Variants in MAPKBP1 observed in about 807,000 individuals in gnomAD.
MAPKBP1 encodes mitogen-activated protein kinase binding protein 1, also known as mitogen-activated protein kinase-binding protein 1.
Under a neutral mutation model 170.5 loss-of-function variants are expected in MAPKBP1, and 71 were observed. The observed-to-expected ratio is 0.42, with a 90% CI of 0.34 to 0.51. MAPKBP1 has a LOEUF of 0.51. MAPKBP1 is among the 20% of genes least tolerant of loss of function. The probability of loss-of-function intolerance (pLI) is 0.06; values close to 1 mark genes in which losing one functional copy is unlikely to be tolerated. For missense variants in MAPKBP1, 1,598 were observed against 1,933.0 expected (o/e 0.83, Z 3.25); for synonymous variants, 719 against 757.9 (o/e 0.95, Z 0.84).
At chr15:41,824,416 T>C (rs2065053933) in intron 29 of MAPKBP1, 68 bp from the exon 30 acceptor site, 1 of 1,402,774 alleles carries the variant, frequency 7.1e-7, no homozygotes, top group Admixed American at 2.0e-5. Flanking sequence ...CTGTTCTGAG[T>C]GTCTTGGGTG....
In MAPKBP1 at chr15:41,824,538, G is replaced by A; in HGVS notation, c.4268G>A (p.Ser1423Asn). ...CAGCTGGTGGCAGAGCTCCGCGGCA[G>A]CGTGCGCCAGGCAGTGCGGCTCTAC... Reference protein sequence around the residue: ...CEQLVAELRGSVRQAVRLYHS... With the variant: ...CEQLVAELRGNVRQAVRLYHS... Residue 1423 changes from serine to asparagine, a missense_variant, in exon 30 of 31, where the codon AGC (serine) becomes AAC (asparagine). Ser to Asn is a conservative substitution (Grantham distance 46, BLOSUM62 1). Coordinates refer to ENST00000457542, the MANE Select transcript of MAPKBP1 (RefSeq NM_014994.3). The A allele has an allele frequency of 2.5e-6, 4 of 1,602,962 alleles. No homozygotes were observed. Among genetic ancestry groups the A allele is most frequent in the Non-Finnish European group, 3.4e-6 (4 of 1,175,794 alleles).
At position 41,813,104 on chromosome 15, in the gene MAPKBP1, A is replaced by C; in HGVS notation, c.819+3A>C. The C allele has an allele frequency of 6.3e-7, 1 of 1,596,852 alleles. No homozygotes were observed. Among genetic ancestry groups the C allele is most frequent in the Non-Finnish European group, 8.5e-7 (1 of 1,171,434 alleles). Reference sequence around the variant, plus strand: ...TGGACAAGTGGGTGGAGCTGAGGGTAAGTACCTCCGTCCCCAGGGGTAGGG... The same window carrying C: ...TGGACAAGTGGGTGGAGCTGAGGGTCAGTACCTCCGTCCCCAGGGGTAGGG... On this transcript the variant is annotated splice_donor_region_variant and intron_variant, in intron 8 of 30. Coordinates refer to ENST00000457542, the MANE Select transcript of MAPKBP1 (RefSeq NM_014994.3).
Position 41,822,262 on chromosome 15 carries a change from C to T in MAPKBP1, c.3069C>T (p.Ile1023=). 1 of 1,614,042 alleles carries T rather than the reference C, an allele frequency of 6.2e-7. No individual in the cohort carries two copies. Among genetic ancestry groups the T allele is most frequent in the Non-Finnish European group, 8.5e-7 (1 of 1,179,994 alleles). The change falls in exon 26 of 31, where the codon ATC becomes ATT. Residue 1023 remains isoleucine (I), a synonymous_variant. Transcript: ENST00000457542. ...ESTEPLSVDG[I]SSDLEEPAEG... ...CGGAGCCCCTCAGTGTGGATGGCATCTCCTCAGACCTTGAAGAGCCAGCTG... is the reference window on the plus strand; with the variant it reads ...CGGAGCCCCTCAGTGTGGATGGCATTTCCTCAGACCTTGAAGAGCCAGCTG...
intron 12 of MAPKBP1, among the ~76,000 whole-genome samples, chr15:41,816,117 G>C (rs565554423): frequency 9.2e-5 from 14 of 152,090 alleles, no homozygotes; most frequent in Admixed American, 2.6e-4. Context: ...CTCACATTGA[G>C]GTACATACCA....
Position 41,821,055 on chromosome 15 carries a change from C to G in MAPKBP1, c.2705C>G (p.Ser902Ter). The change falls in exon 23 of 31, where the codon TCA (serine) becomes TGA (stop). Residue 902 changes from serine (S) to a stop codon, truncating the protein, a stop_gained. Coordinates refer to ENST00000457542, the MANE Select transcript of MAPKBP1 (RefSeq NM_014994.3). LOFTEE classifies it high-confidence loss of function. ...CATGGGCAGGAGGCCCTTGAGACTT[C>G]ACTCACTAGCCAGGTGAGCCTGCTT... Reference protein sequence around the residue: ...RKHGQEALETSLTSQNEKPPR... With the variant: ...RKHGQEALET 6.2e-7 allele frequency: 1 copy of G among 1,613,986 alleles called. No homozygotes were observed. The highest frequency in any genetic ancestry group is 8.5e-7 in the Non-Finnish European group (1 of 1,179,956).
intron 2 of MAPKBP1, among the ~76,000 whole-genome samples, chr15:41,793,467 C>T (rs1179751714): frequency 6.6e-6 from 1 of 151,614 alleles, no homozygotes; most frequent in African/African-American, 2.4e-5. Context: ...AGTGAGACTC[C>T]GTCTCAAAAA....
chr15:41,825,709 G>C lies in MAPKBP1; in HGVS notation c.*273G>C. 2.6e-6 allele frequency: 1 copy of C among 388,766 alleles called. No homozygotes were observed. The highest frequency in any genetic ancestry group is 4.7e-6 in the Non-Finnish European group (1 of 214,718). The allele number at this position is 388,766 out of a possible 1,614,324, so 24.1% of individuals were successfully genotyped here. On this transcript the variant is annotated 3_prime_UTR_variant, in exon 31 of 31. Coordinates refer to ENST00000457542, the MANE Select transcript of MAPKBP1 (RefSeq NM_014994.3). ...TCTTTGTCATCTTGGTGCTGTGAGA[G>C]GTAGGAGGGCAGCCTGCCCCATCTA...
Position 41,812,957 on chromosome 15 carries a change from G to A in MAPKBP1, c.675G>A (p.Leu225=), listed in dbSNP as rs1596087802. 6.2e-7 allele frequency: 1 copy of A among 1,612,034 alleles called. No homozygotes were observed. The highest frequency in any genetic ancestry group is 1.3e-5 in the African/African-American group (1 of 74,918). The part of the protein sequence containing the change: ...ATVPLLGRSG[L]LGELRNNLFT... ...TGCCCTTGCTGGGCCGCTCAGGGCT[G>A]CTGGGAGAGCTACGGAACAACCTAT... Residue 225 remains leucine (L), a synonymous_variant, in exon 8 of 31, where the codon CTG becomes CTA. Coordinates refer to ENST00000457542, the MANE Select transcript of MAPKBP1 (RefSeq NM_014994.3).
chr15:41,800,064 G>C, intron 3 of MAPKBP1, 150 bp downstream of exon 3: 1 of 681,700 alleles, frequency 1.5e-6, no homozygotes, highest in Non-Finnish European at 2.5e-6. Context: ...CGCAGGACCA[G>C]GTAAAGGTTC....
intron 2 of MAPKBP1, among the ~76,000 whole-genome samples, chr15:41,792,191 C>G (rs776487486): frequency 6.6e-6 from 1 of 151,356 alleles, no homozygotes; most frequent in Non-Finnish European, 1.5e-5. Flanking sequence ...CACTTAAACA[C>G]GTGGCTTTAT....
Position 41,823,794 on chromosome 15 carries a change from C to T in MAPKBP1, c.3946C>T (p.Pro1316Ser), listed in dbSNP as rs769059856. The T allele has an allele frequency of 2.5e-6, 4 of 1,614,150 alleles. No homozygotes were observed. Among genetic ancestry groups the T allele is most frequent in the African/African-American group, 1.3e-5 (1 of 75,020 alleles). ...AFSPVTKGRA[P>S]GEAEKPGFPV... ...CTCTCCTGTCACCAAAGGCCGGGCC[C>T]CTGGCGAGGCAGAAAAGCCTGGCTT... The change falls in exon 29 of 31, where the codon CCT becomes TCT. Residue 1316 changes from proline to serine, a missense_variant. Physicochemically the swap from Pro to Ser is moderately conservative, Grantham distance 74. This residue lies in a region of MAPKBP1 where 942 missense variants were observed against 953.2 expected (regional missense o/e 0.99). Transcript: ENST00000457542.
At chr15:41,795,160 T>G (rs2064464675) in intron 2 of MAPKBP1, among the ~76,000 whole-genome samples, 1 of 74,200 alleles carries the variant, frequency 1.3e-5, no homozygotes, top group Non-Finnish European at 2.8e-5. Flanking sequence ...TGAAACCCTG[T>G]CTCAAAAAAA....
At position 41,818,984 on chromosome 15, in the gene MAPKBP1, G is replaced by A; in HGVS notation, c.2291+27G>A. On this transcript the variant is annotated intron_variant, in intron 20 of 30. Coordinates refer to ENST00000457542, the MANE Select transcript of MAPKBP1 (RefSeq NM_014994.3). This position sits in a 1 kb window ranked among gnomAD's most constrained non-coding sequence, Gnocchi z 5.2. ...TGAGAACAGAATGTGGGCAAGTGATGGGTGGGTGTGCAGATGGCTTGCTGG... is the reference window on the plus strand; with the variant it reads ...TGAGAACAGAATGTGGGCAAGTGATAGGTGGGTGTGCAGATGGCTTGCTGG... 6.2e-7 allele frequency: 1 copy of A among 1,610,832 alleles called. No homozygotes were observed. Among genetic ancestry groups the A allele is most frequent in the Non-Finnish European group, 8.5e-7 (1 of 1,177,690 alleles).
intron 2 of MAPKBP1, among the ~76,000 whole-genome samples, chr15:41,779,013 G>T (rs1191425618): frequency 6.6e-6 from 1 of 152,030 alleles, no homozygotes; most frequent in African/African-American, 2.4e-5. Context: ...TTTTTTAATT[G>T]TAAATCTAAT....
chr15:41,817,609 T>C lies in MAPKBP1; in HGVS notation c.1783-5T>C, dbSNP rs372289219. 225 of 1,614,038 alleles carry C rather than the reference T, an allele frequency of 1.4e-4. 1 individual carries two copies. Among genetic ancestry groups the C allele is most frequent in the Admixed American group, 7.7e-4 (46 of 59,996 alleles). On this transcript the variant is annotated splice_region_variant and splice_polypyrimidine_tract_variant and intron_variant, in intron 15 of 30. Transcript: ENST00000457542. The surrounding 1 kb of genome is among the most constrained non-coding windows in gnomAD (Gnocchi z 4.2). The stretch of plus-strand genomic sequence containing the variant: ...TGGGCCTGCCCACATGCTCCACCCC[T>C]GCAGTCTGGAGATGGAGTGCAGTTC...
Position 41,825,369 on chromosome 15 carries a change from C to A in MAPKBP1, c.4460C>A (p.Ala1487Asp). 6.2e-7 allele frequency: 1 copy of A among 1,613,528 alleles called. No individual in the cohort carries two copies. The highest frequency in any genetic ancestry group is 8.5e-7 in the Non-Finnish European group (1 of 1,179,986). The change falls in exon 31 of 31, where the codon GCC (alanine) becomes GAC (aspartate). Residue 1487 changes from alanine (A) to aspartate (D), a missense_variant. Physicochemically the swap from Ala to Asp is moderately radical, Grantham distance 126. Coordinates refer to ENST00000457542, the MANE Select transcript of MAPKBP1 (RefSeq NM_014994.3). Reference sequence around the variant, plus strand: ...GCTGTGGGAGCCGAGCAGACACAGGCCCTGCTGGAGCAATACTCAGAACTG... The same window carrying A: ...GCTGTGGGAGCCGAGCAGACACAGGACCTGCTGGAGCAATACTCAGAACTG... ...PGAVGAEQTQ[A>D]LLEQYSELLL...
intron 2 of MAPKBP1, among the ~76,000 whole-genome samples, chr15:41,779,851 C>A (rs934928445): frequency 1.3e-5 from 2 of 152,224 alleles, no homozygotes; most frequent in African/African-American, 4.8e-5. Flanking sequence ...TCTGAGGTCT[C>A]TTGAAATAAG....
chr15:41,821,021 C>G lies in MAPKBP1; in HGVS notation c.2671C>G (p.Pro891Ala), dbSNP rs377003893. ...QDSLAIIPSG[P>A]RKHGQEALET... ...CTCGCTGGCCATCATCCCATCTGGT[C>G]CCAGGAAGCATGGGCAGGAGGCCCT... The change falls in exon 23 of 31, where the codon CCC becomes GCC. Residue 891 changes from proline (P) to alanine (A), a missense_variant. By Grantham distance (27) the Pro-to-Ala change is conservative. Around this residue, in one of 6 missense-constraint regions of MAPKBP1, gnomAD observed 942 missense variants for 953.2 expected, o/e 0.99. Coordinates refer to ENST00000457542, the MANE Select transcript of MAPKBP1 (RefSeq NM_014994.3). 6.2e-7 allele frequency: 1 copy of G among 1,614,054 alleles called. No individual in the cohort carries two copies. The highest frequency in any genetic ancestry group is 1.3e-5 in the African/African-American group (1 of 74,926).
At chr15:41,796,999 A>T (rs1198979491) in intron 2 of MAPKBP1, among the ~76,000 whole-genome samples, 1 of 152,208 alleles carries the variant, frequency 6.6e-6, no homozygotes, top group Non-Finnish European at 1.5e-5. Flanking sequence ...AGTTTTATGC[A>T]TATGCACACA....
Sources: gnomAD v4.1 joint callset for allele counts (sites outside exome capture counted in the v4.1 genomes callset) on GRCh38, gnomAD v4.1.1 for gene constraint, gnomAD v4.1.1 regional missense constraint, Gnocchi (gnomAD v3.1) non-coding constraint, MANE v1.5 for transcripts, NCBI Gene and HGNC (gene_info 2026-07-23, HGNC 2026-07-21) for gene names.